RBFOX1: variants seen among roughly 807,000 people sequenced by gnomAD.
The protein encoded by RBFOX1 is RNA binding fox-1 homolog 1.
RBFOX1 carries 8 observed loss-of-function variants against 57.7 expected under a neutral mutation model. The observed-to-expected ratio is 0.14, with a 90% CI of 0.08 to 0.25. RBFOX1 has a LOEUF of 0.25. Ranked by LOEUF, RBFOX1 falls within the 10% of genes least tolerant of loss-of-function variation. RBFOX1 has a pLI of 1.00. For synonymous variants in RBFOX1, 326 were observed against 222.4 expected (o/e 1.47, Z -4.15); for missense variants, 611 against 548.5 (o/e 1.11, Z -1.14).
intron 2 of RBFOX1, among the ~76,000 whole-genome samples, chr16:6,486,017 C>CT (rs200626786): frequency 0.34 from 38,559 of 114,654 alleles, 5,301 homozygotes; most frequent in Middle Eastern, 0.47. Flanking sequence ...AATTATTTTT[C>CT]TTTTTTTTTT....
intron 3 of RBFOX1, among the ~76,000 whole-genome samples, chr16:6,991,129 G>C (rs1334730881): frequency 3.2e-5 from 2 of 62,040 alleles, no homozygotes; most frequent in African/African-American, 1.3e-4. Flanking sequence ...TAATAAAATT[G>C]TCTCTCCAAA....
At chr16:7,107,786 C>A (rs991567208) in intron 4 of RBFOX1, among the ~76,000 whole-genome samples, 14 of 152,068 alleles carry the variant, frequency 9.2e-5, no homozygotes, top group Admixed American at 6.6e-4. Flanking sequence ...GTATTCTAAT[C>A]TTTTTTCCAT....
At chr16:7,689,534 C>T (rs765466528) in intron 14 of RBFOX1, among the ~76,000 whole-genome samples, 1 of 152,050 alleles carries the variant, frequency 6.6e-6, no homozygotes, top group Non-Finnish European at 1.5e-5. Context: ...CCAGACCTCT[C>T]TCCTGGAAAT....
At chr16:6,490,066 C>G (rs920780919) in intron 2 of RBFOX1, among the ~76,000 whole-genome samples, 1 of 152,166 alleles carries the variant, frequency 6.6e-6, no homozygotes, top group Non-Finnish European at 1.5e-5. Context: ...CGTTGACTCC[C>G]AGCTTGATCT....
chr16:5,991,385 G>A (rs1464193399), intron 4 of RBFOX1, among the ~76,000 whole-genome samples: 3 of 152,180 alleles, frequency 2.0e-5, no homozygotes, highest in Non-Finnish European at 4.4e-5. Context: ...AGAGTAGAGC[G>A]CCGTGGGCTG....
At chr16:5,261,976 G>A (rs1328047166) in intron 1 of RBFOX1, among the ~76,000 whole-genome samples, 1 of 152,156 alleles carries the variant, frequency 6.6e-6, no homozygotes, top group Non-Finnish European at 1.5e-5. Context: ...ACTCAAAGAA[G>A]ACTTCTTTTA....
intron 1 of RBFOX1, among the ~76,000 whole-genome samples, chr16:6,096,360 G>A (rs1332829649): frequency 6.6e-6 from 1 of 152,104 alleles, no homozygotes; most frequent in Non-Finnish European, 1.5e-5. Flanking sequence ...CATTATTTAG[G>A]ACCATGTGCA....
intron 4 of RBFOX1, among the ~76,000 whole-genome samples, chr16:5,914,027 A>T (rs2058656923): frequency 6.6e-6 from 1 of 152,170 alleles, no homozygotes. Context: ...TCAAGATTCA[A>T]ACCTAGGTGT....
intron 4 of RBFOX1, among the ~76,000 whole-genome samples, chr16:7,484,076 G>A (rs1374876418): frequency 1.2e-4 from 18 of 152,080 alleles, no homozygotes; most frequent in Admixed American, 1.2e-3. Context: ...ATAATAAATG[G>A]AATCATACTG....
chr16:5,879,903 C>T (rs566738797), intron 4 of RBFOX1, among the ~76,000 whole-genome samples: 27 of 152,284 alleles, frequency 1.8e-4, no homozygotes, highest in East Asian at 5.8e-4. Context: ...ATTGCCTTAG[C>T]GCAGAGATGG....
chr16:7,429,709 G>C (rs1273332843), intron 4 of RBFOX1, among the ~76,000 whole-genome samples: 10 of 152,122 alleles, frequency 6.6e-5, no homozygotes, highest in Non-Finnish European at 1.2e-4. Context: ...CTTTTCCCTT[G>C]GGAATTTACA....
At chr16:6,757,952 T>G (rs12447591) in intron 3 of RBFOX1, among the ~76,000 whole-genome samples, 5 of 151,862 alleles carry the variant, frequency 3.3e-5, no homozygotes, top group Non-Finnish European at 5.9e-5. Context: ...TTTTAAACAA[T>G]TACAACAACA....
chr16:7,156,201 C>T (rs776305348), intron 4 of RBFOX1, among the ~76,000 whole-genome samples: 12 of 151,952 alleles, frequency 7.9e-5, no homozygotes, highest in African/African-American at 2.4e-4. Flanking sequence ...TTTCTCAAGA[C>T]TTGCTACTCT....
chr16:6,043,606 G>A (rs1293042956), intron 1 of RBFOX1, among the ~76,000 whole-genome samples: 1 of 152,152 alleles, frequency 6.6e-6, no homozygotes, highest in Non-Finnish European at 1.5e-5. Flanking sequence ...TTTGGCGATG[G>A]CCAGAAATTT....
intron 7 of RBFOX1, among the ~76,000 whole-genome samples, chr16:7,595,254 A>C (rs1371618732): frequency 6.6e-6 from 1 of 151,722 alleles, no homozygotes. Context: ...TTTTGATCTC[A>C]TTTTCTTTTC....
Position 6,692,342 on chromosome 16 carries a change from T to C in RBFOX1, c.-16+37692T>C, listed in dbSNP as rs111742170. Reference sequence around the variant, plus strand: ...GTCGTTTTCACTAAGTGTTTCATCTTCTTTATTTCTTACCTAGATCCTTGA... The same window carrying C: ...GTCGTTTTCACTAAGTGTTTCATCTCCTTTATTTCTTACCTAGATCCTTGA... On this transcript the variant is annotated intron_variant, in intron 3 of 15. Transcript: ENST00000550418. 5.9e-5 allele frequency among the ~76,000 whole-genome samples: 9 copies of C among 152,274 alleles called. 1 individual carries two copies. The South Asian group carries it at 1.9e-3, about 32-fold the overall frequency.
At chr16:5,777,043 T>A (rs1467795013) in intron 3 of RBFOX1, among the ~76,000 whole-genome samples, 1 of 152,242 alleles carries the variant, frequency 6.6e-6, no homozygotes, top group Non-Finnish European at 1.5e-5. Context: ...AACTGCCTGC[T>A]GGCTGCTCTA....
chr16:5,814,837 G>A (rs188939048), intron 3 of RBFOX1, among the ~76,000 whole-genome samples: 1 of 152,158 alleles, frequency 6.6e-6, no homozygotes, highest in Non-Finnish European at 1.5e-5. Context: ...GCTGAGGCAG[G>A]AGAATGGCGT....
At chr16:7,597,861 C>G (rs2094789606) in intron 9 of RBFOX1, among the ~76,000 whole-genome samples, 1 of 152,110 alleles carries the variant, frequency 6.6e-6, no homozygotes, top group Non-Finnish European at 1.5e-5. Flanking sequence ...AGAGATTAGT[C>G]ATTTGAAGTG....
Sources: gnomAD v4.1 joint callset for allele counts (sites outside exome capture counted in the v4.1 genomes callset) on GRCh38, gnomAD v4.1.1 for gene constraint, MANE v1.5 for transcripts, NCBI Gene and HGNC (gene_info 2026-07-23, HGNC 2026-07-21) for gene names.